GRIN2A: variants seen among roughly 807,000 people sequenced by gnomAD.
GRIN2A encodes glutamate receptor ionotropic, NMDA 2A.
In GRIN2A, 22 loss-of-function variants were observed where a neutral mutation model predicts 113.4. The ratio of observed to expected loss-of-function variants is 0.19; its 90% CI spans 0.14 to 0.28. The LOEUF (loss-of-function observed/expected upper bound fraction) is 0.28, where lower values mean the gene tolerates loss of function less well. Among genes scored for constraint, GRIN2A ranks in the 10% least tolerant of loss-of-function variants. The probability of loss-of-function intolerance (pLI) is 1.00; values close to 1 mark genes in which losing one functional copy is unlikely to be tolerated. For missense variants in GRIN2A, 1,502 were observed against 1,887.0 expected, an observed-to-expected ratio of 0.80 and a Z score of 3.78; for synonymous variants, 827 against 738.4, an observed-to-expected ratio of 1.12 and a Z score of -1.94.
At chr16:10,053,420 T>G (rs2047392282) in intron 2 of GRIN2A, among the ~76,000 whole-genome samples, 1 of 152,218 alleles carries the variant, frequency 6.6e-6, no homozygotes, top group South Asian at 2.1e-4. Context: ...TTACCCAAAG[T>G]CAGCCAGCTA....
At chr16:10,031,922 T>G (rs964820588) in intron 2 of GRIN2A, among the ~76,000 whole-genome samples, 1 of 152,352 alleles carries the variant, frequency 6.6e-6, no homozygotes, top group African/African-American at 2.4e-5. Flanking sequence ...CCAGTCTCTT[T>G]CCACTTCCTG....
intron 2 of GRIN2A, among the ~76,000 whole-genome samples, chr16:10,032,248 G>A (rs2046942894): frequency 6.6e-6 from 1 of 152,190 alleles, no homozygotes; most frequent in Non-Finnish European, 1.5e-5. Context: ...AGCTTGTTGA[G>A]CCTTGGGTAA....
At chr16:10,036,922 G>T (rs2047046849) in intron 2 of GRIN2A, 1 of 152,038 alleles carries the variant, frequency 6.6e-6, no homozygotes, top group African/African-American at 2.4e-5. Flanking sequence ...TCCAAATAAG[G>T]TCACATCCTG....
chr16:10,072,269 C>T (rs1185778169), intron 2 of GRIN2A, among the ~76,000 whole-genome samples: 1 of 152,178 alleles, frequency 6.6e-6, no homozygotes, highest in Non-Finnish European at 1.5e-5. Context: ...CAATTCTGTA[C>T]CTTCCATTTG....
chr16:10,085,605 C>G (rs903064752), intron 2 of GRIN2A, among the ~76,000 whole-genome samples: 6 of 152,040 alleles, frequency 3.9e-5, no homozygotes, highest in Non-Finnish European at 8.8e-5. Flanking sequence ...CTTGGTTGGC[C>G]GTGTCAAACC....
intron 2 of GRIN2A, among the ~76,000 whole-genome samples, chr16:10,090,385 A>C (rs566025463): frequency 1.3e-5 from 2 of 152,352 alleles, no homozygotes; most frequent in South Asian, 4.1e-4. Flanking sequence ...ATAAGCTCTG[A>C]CACTGTCAAT....
chr16:10,045,459 C>T (rs906986577), intron 2 of GRIN2A, among the ~76,000 whole-genome samples: 3 of 151,966 alleles, frequency 2.0e-5, no homozygotes, highest in South Asian at 2.1e-4. Flanking sequence ...CCTAAGACTC[C>T]GAATCTGCAC....
At chr16:9,796,833 C>A (rs139605282) in intron 11 of GRIN2A, among the ~76,000 whole-genome samples, 3 of 152,174 alleles carry the variant, frequency 2.0e-5, no homozygotes, top group African/African-American at 7.2e-5. Context: ...TACTGTTGTA[C>A]GCCTCTAAGA....
rs1028440524 is a variant in GRIN2A, at chr16:9,756,544, A to G, written c.*6605T>C. 7.6e-5 allele frequency: 16 copies of G among 209,866 alleles called. No individual in the cohort carries two copies. The highest frequency in any genetic ancestry group is 3.6e-4 in the African/African-American group (16 of 44,086). 13.0% of individuals were successfully genotyped at this position (209,866 alleles called of 1,614,324 possible). On this transcript the variant is annotated 3_prime_UTR_variant, in exon 13 of 13. Coordinates refer to ENST00000330684, the MANE Select transcript of GRIN2A (RefSeq NM_001134407.3). Reference sequence around the variant, plus strand: ...GGAGGAGACCAGGCACTTTGAAAATATGTCTAACGTTAGGGATTTACTAGC... The same window carrying G: ...GGAGGAGACCAGGCACTTTGAAAATGTGTCTAACGTTAGGGATTTACTAGC...
intron 10 of GRIN2A, among the ~76,000 whole-genome samples, chr16:9,813,472 C>T (rs1444293447): frequency 6.6e-6 from 1 of 151,218 alleles, no homozygotes; most frequent in Admixed American, 6.6e-5. Flanking sequence ...CACCTAGCAG[C>T]ATCTCCGATA....
intron 9 of GRIN2A, among the ~76,000 whole-genome samples, chr16:9,823,619 A>G (rs2141297925): frequency 6.6e-6 from 1 of 152,366 alleles, no homozygotes; most frequent in Middle Eastern, 3.4e-3. Flanking sequence ...AGTTGGGTCC[A>G]GCACTATGCC....
chr16:10,097,339 A>T (rs1294294580), intron 2 of GRIN2A, among the ~76,000 whole-genome samples: 2 of 152,234 alleles, frequency 1.3e-5, no homozygotes, highest in East Asian at 3.8e-4. Flanking sequence ...ATAATCGTAG[A>T]GATGTTTGAA....
At chr16:9,767,305 T>C (rs1165543945) in intron 12 of GRIN2A, among the ~76,000 whole-genome samples, 1 of 152,214 alleles carries the variant, frequency 6.6e-6, no homozygotes, top group Non-Finnish European at 1.5e-5. Flanking sequence ...ATCTCCACAG[T>C]TCTTGAAACT....
Position 9,754,366 on chromosome 16 carries a change from T to C in GRIN2A, c.*8783A>G, listed in dbSNP as rs1228922670. 2 of 209,208 alleles carry C rather than the reference T, an allele frequency of 9.6e-6. No homozygotes were observed. Among genetic ancestry groups the C allele is most frequent in the Non-Finnish European group, 1.9e-5 (2 of 102,910 alleles). The allele number at this position is 209,208 out of a possible 1,614,324, so 13.0% of individuals were successfully genotyped here. On this transcript the variant is annotated 3_prime_UTR_variant, in exon 13 of 13. Coordinates refer to ENST00000330684, the MANE Select transcript of GRIN2A (RefSeq NM_001134407.3). Reference sequence around the variant, plus strand: ...TCTGAGCCACATCTAACTATGTCACTGCTGTGTCAAGCAGTTTTCTGAATT... The same window carrying C: ...TCTGAGCCACATCTAACTATGTCACCGCTGTGTCAAGCAGTTTTCTGAATT...
chr16:10,030,512 G>A (rs1310365889), intron 2 of GRIN2A, among the ~76,000 whole-genome samples: 2 of 152,170 alleles, frequency 1.3e-5, no homozygotes, highest in Admixed American at 1.3e-4. Context: ...TGCCCTGGGG[G>A]TGAAGATGCT....
chr16:10,033,476 T>C (rs2046967135), intron 2 of GRIN2A, among the ~76,000 whole-genome samples: 1 of 152,194 alleles, frequency 6.6e-6, no homozygotes, highest in Non-Finnish European at 1.5e-5. Context: ...GATGATGTGA[T>C]GAAACAAAAC....
chr16:9,941,196 G>A (rs551491669), intron 2 of GRIN2A, among the ~76,000 whole-genome samples: 1 of 152,254 alleles, frequency 6.6e-6, no homozygotes, highest in East Asian at 1.9e-4. Context: ...CACTTCCTTG[G>A]GAAGATTGGT....
chr16:9,962,652 TAC>T (rs2045466016), intron 2 of GRIN2A, among the ~76,000 whole-genome samples: 1 of 152,178 alleles, frequency 6.6e-6, no homozygotes, highest in African/African-American at 2.4e-5. Context: ...GGAACATTTT[TAC>T]ACTGTTGGTG....
At chr16:9,848,341 G>C (rs1055554501) in intron 5 of GRIN2A, among the ~76,000 whole-genome samples, 9 of 150,496 alleles carry the variant, frequency 6.0e-5, no homozygotes, top group Admixed American at 2.0e-4. Flanking sequence ...TCAGCCTCCT[G>C]AGTAGCTGGG....
Sources: gnomAD v4.1 joint callset for allele counts (sites outside exome capture counted in the v4.1 genomes callset) on GRCh38, gnomAD v4.1.1 for gene constraint, MANE v1.5 for transcripts, NCBI Gene and HGNC (gene_info 2026-07-23, HGNC 2026-07-21) for gene names.